C1QTNF3: variants seen among roughly 807,000 people sequenced by gnomAD.
C1QTNF3 encodes C1q and TNF related 3, also known as complement C1q tumor necrosis factor-related protein 3.
A neutral mutation model predicts 32.6 loss-of-function variants in C1QTNF3; 26 were observed. That is an observed-to-expected ratio of 0.80 (90% CI 0.58 to 1.11). The LOEUF (loss-of-function observed/expected upper bound fraction) is 1.11, where lower values mean the gene tolerates loss of function less well. Among genes scored for constraint, C1QTNF3 ranks in the 50% least tolerant of loss-of-function variants. C1QTNF3 has a pLI of 0.00. For missense variants in C1QTNF3, 362 were observed against 398.2 expected, an observed-to-expected ratio of 0.91 and a Z score of 0.77; for synonymous variants, 155 against 146.0, an observed-to-expected ratio of 1.06 and a Z score of -0.44.
chr5:34,223,520 T>G, the C1QTNF3 span, among the ~76,000 whole-genome samples: 3 of 151,580 alleles, frequency 2.0e-5, no homozygotes, highest in Non-Finnish European at 4.4e-5. Flanking sequence ...TTTATAGTCC[T>G]TTGGGTATAT....
chr5:34,053,117 G>T, the C1QTNF3 span, among the ~76,000 whole-genome samples: 1 of 152,176 alleles, frequency 6.6e-6, no homozygotes, highest in South Asian at 2.1e-4. Flanking sequence ...ATAAATTTAT[G>T]AATAATCCTT....
the C1QTNF3 span, among the ~76,000 whole-genome samples, chr5:34,054,650 G>C: frequency 6.6e-6 from 1 of 152,182 alleles, no homozygotes; most frequent in Non-Finnish European, 1.5e-5. Context: ...AGATTGTAGG[G>C]GAAGTCACTG....
chr5:34,165,526 T>A, the C1QTNF3 span: 1 of 152,134 alleles, frequency 6.6e-6, no homozygotes, highest in African/African-American at 2.4e-5. Context: ...AAAAACATAT[T>A]CAGCATCGAG....
At chr5:34,117,003 T>A in the C1QTNF3 span, among the ~76,000 whole-genome samples, 1 of 152,188 alleles carries the variant, frequency 6.6e-6, no homozygotes, top group African/African-American at 2.4e-5. Flanking sequence ...GATTCTGAAG[T>A]ACCTCCCTTG....
the C1QTNF3 span, among the ~76,000 whole-genome samples, chr5:34,223,295 T>C: frequency 4.6e-5 from 7 of 151,416 alleles, no homozygotes; most frequent in Admixed American, 1.3e-4. Flanking sequence ...TTGTGATAGT[T>C]GACTGAGAAT....
At chr5:34,154,690 C>A in the C1QTNF3 span, among the ~76,000 whole-genome samples, 1 of 152,216 alleles carries the variant, frequency 6.6e-6, no homozygotes, top group Non-Finnish European at 1.5e-5. Flanking sequence ...ATCAGCGTTT[C>A]TCAGCCTTAG....
the C1QTNF3 span, among the ~76,000 whole-genome samples, chr5:34,048,809 C>A: frequency 6.6e-6 from 1 of 152,114 alleles, no homozygotes; most frequent in African/African-American, 2.4e-5. Flanking sequence ...CATCCCAGGG[C>A]AGAGTTTTGA....
chr5:34,062,681 T>C, the C1QTNF3 span, among the ~76,000 whole-genome samples: 4 of 152,208 alleles, frequency 2.6e-5, no homozygotes, highest in African/African-American at 7.2e-5. Flanking sequence ...CCATTTATCG[T>C]CCTGTCCTGA....
At chr5:34,127,465 TG>T in the C1QTNF3 span, among the ~76,000 whole-genome samples, 1 of 152,192 alleles carries the variant, frequency 6.6e-6, no homozygotes, top group Non-Finnish European at 1.5e-5. Context: ...GGTGACATTT[TG>T]CCCCTCTCCT....
At chr5:34,124,682 G>A in the C1QTNF3 span, 1 of 440,228 alleles carries the variant, frequency 2.3e-6, no homozygotes, top group Non-Finnish European at 4.1e-6. Flanking sequence ...TGAGATTTGG[G>A]TGAGGTCACA....
the C1QTNF3 span, among the ~76,000 whole-genome samples, chr5:34,207,782 T>C: frequency 3.3e-5 from 5 of 151,974 alleles, no homozygotes; most frequent in East Asian, 9.7e-4. Context: ...CTTAGCATGC[T>C]TGAGAAAGTT....
intron 1 of C1QTNF3, 91 bp downstream of exon 1, chr5:34,042,732 G>A (rs1393023238): frequency 6.1e-6 from 8 of 1,305,890 alleles, no homozygotes; most frequent in Non-Finnish European, 8.5e-6. Flanking sequence ...TTGATTCTAA[G>A]AATCTTAGCC....
At chr5:34,131,081 T>C in the C1QTNF3 span, among the ~76,000 whole-genome samples, 1 of 152,350 alleles carries the variant, frequency 6.6e-6, no homozygotes, top group African/African-American at 2.4e-5. Context: ...TTATTACATA[T>C]AAAAATGCAA....
the C1QTNF3 span, among the ~76,000 whole-genome samples, chr5:34,139,608 T>A: frequency 7.2e-5 from 11 of 151,848 alleles, no homozygotes; most frequent in African/African-American, 2.4e-4. Context: ...AACAATATAT[T>A]TTTTTTTACT....
At chr5:34,046,910 A>G (rs1184590455), upstream of C1QTNF3, among the ~76,000 whole-genome samples, 2 of 152,224 alleles carry the variant, frequency 1.3e-5, no homozygotes, top group African/African-American at 4.8e-5. Flanking sequence ...TCATCTTTCA[A>G]TATAGGTATC....
chr5:34,091,511 T>C, the C1QTNF3 span, among the ~76,000 whole-genome samples: 7 of 152,374 alleles, frequency 4.6e-5, no homozygotes, highest in Admixed American at 1.3e-4. Flanking sequence ...AAAAAACTAA[T>C]GTTGTCTTTA....
the C1QTNF3 span, among the ~76,000 whole-genome samples, chr5:34,146,369 G>C: frequency 6.6e-6 from 1 of 152,110 alleles, no homozygotes; most frequent in African/African-American, 2.4e-5. Context: ...TGCAATTCTA[G>C]GTAAATAGAA....
chr5:34,159,472 C>G, the C1QTNF3 span, among the ~76,000 whole-genome samples: 1 of 152,010 alleles, frequency 6.6e-6, no homozygotes, highest in East Asian at 1.9e-4. Context: ...AAAGAATACT[C>G]ATTAACAAGG....
At chr5:34,030,267 A>C (rs969287735) in intron 3 of C1QTNF3, among the ~76,000 whole-genome samples, 1 of 152,228 alleles carries the variant, frequency 6.6e-6, no homozygotes, top group Non-Finnish European at 1.5e-5. Context: ...GTAATCTTTT[A>C]AGGGACTTTG....
Sources: allele counts gnomAD v4.1 joint callset (sites outside exome capture counted in the v4.1 genomes callset), GRCh38; gene constraint gnomAD v4.1.1; transcripts MANE v1.5; gene names NCBI Gene and HGNC (gene_info 2026-07-23, HGNC 2026-07-21).